Variants in FAM200B observed in about 807,000 individuals in gnomAD.
FAM200B encodes the protein zinc finger BED-type containing 11, also known as protein FAM200B.
Under a neutral mutation model 33.1 loss-of-function variants are expected in FAM200B, and 32 were observed. The observed-to-expected ratio is 0.97, with a 90% CI of 0.73 to 1.30. The LOEUF is 1.30. FAM200B is among the 50% of genes most tolerant of loss of function. FAM200B has a pLI of 0.00. For synonymous variants in FAM200B, 240 were observed against 264.8 expected (o/e 0.91, Z 0.91); for missense variants, 741 against 754.0 (o/e 0.98, Z 0.20).
chr4:15,688,853 AGAAATGGGCT>A lies in FAM200B; in HGVS notation c.1880_1889del (p.Asn627IlefsTer8). 1 of 1,551,528 alleles carries A rather than the reference AGAAATGGGCT, an allele frequency of 6.4e-7. No individual in the cohort carries two copies. The highest frequency in any genetic ancestry group is 8.7e-7 in the Non-Finnish European group (1 of 1,146,868). Reference sequence around the variant, plus strand: ...CTTAACGCAGTTAAAAACAAAGGAAAGAAATGGGCTGAATTGTGCAGCAGTTATGCGGGTA... The same window carrying A: ...CTTAACGCAGTTAAAAACAAAGGAAAGAATTGTGCAGCAGTTATGCGGGTA... On this transcript the variant is annotated frameshift_variant, in exon 2 of 2. Coordinates refer to ENST00000422728, the MANE Select transcript of FAM200B (RefSeq NM_001145191.2). LOFTEE classifies it high-confidence loss of function.
At chr4:15,660,140 A>C in the FAM200B span, among the ~76,000 whole-genome samples, 1 of 151,580 alleles carries the variant, frequency 6.6e-6, no homozygotes, top group Non-Finnish European at 1.5e-5. Flanking sequence ...GTGCAGTGGC[A>C]CAAACATAGC....
At chr4:15,674,099 C>G in the FAM200B span, among the ~76,000 whole-genome samples, 1 of 152,164 alleles carries the variant, frequency 6.6e-6, no homozygotes, top group Middle Eastern at 3.4e-3. Context: ...TTCCAACACT[C>G]TGAATCAAAA....
chr4:15,683,699 C>A (rs1031882451), intron 1 of FAM200B, among the ~76,000 whole-genome samples: 1 of 151,960 alleles, frequency 6.6e-6, no homozygotes, highest in Non-Finnish European at 1.5e-5. Context: ...TTAACATAAG[C>A]AGTTTATTAT....
At chr4:15,650,378 C>T in the FAM200B span, among the ~76,000 whole-genome samples, 3 of 152,178 alleles carry the variant, frequency 2.0e-5, no homozygotes, top group African/African-American at 7.2e-5. Context: ...GTATTTCCCT[C>T]TCTTATCTGT....
At position 15,687,121 on chromosome 4, in the gene FAM200B, AT is replaced by A. The variant is rs569065153; in HGVS notation, c.147del (p.Phe49LeufsTer10). ...ACTCCAATCTGCAAACTTCAACTTC[AT>A]TTGAGCCACATTTCAAAAAGAAAAA... Reference protein sequence around the residue: ...TDSNLQTSTSFEPHFKKKKVS... With the variant: ...TDSNLQTSTSXEPHFKKKKVS... On this transcript the variant is annotated frameshift_variant, in exon 2 of 2. Transcript: ENST00000422728. LOFTEE classifies it high-confidence loss of function. 9.7e-5 allele frequency: 151 copies of A among 1,548,718 alleles called. No homozygotes were observed. Among genetic ancestry groups the A allele is most frequent in the Non-Finnish European group, 1.3e-4 (148 of 1,146,036 alleles).
the FAM200B span, among the ~76,000 whole-genome samples, chr4:15,653,107 T>C: frequency 1.4e-5 from 2 of 139,632 alleles, no homozygotes; most frequent in African/African-American, 5.6e-5. Flanking sequence ...TTCCTATGCA[T>C]TTTTTTTTCC....
the FAM200B span, chr4:15,641,544 T>C: frequency 2.0e-5 from 9 of 445,190 alleles, no homozygotes; most frequent in Non-Finnish European, 4.0e-5. Flanking sequence ...GAATCCAGTA[T>C]ATATATTTTA....
chr4:15,642,120 C>T, the FAM200B span, among the ~76,000 whole-genome samples: 1 of 152,006 alleles, frequency 6.6e-6, no homozygotes, highest in Non-Finnish European at 1.5e-5. Context: ...CTTGAAGTAA[C>T]TCATTCTAAT....
chr4:15,653,820 G>A, the FAM200B span, among the ~76,000 whole-genome samples: 1 of 152,186 alleles, frequency 6.6e-6, no homozygotes, highest in African/African-American at 2.4e-5. Flanking sequence ...ACCCTCAGCT[G>A]CATACTGCAC....
the FAM200B span, among the ~76,000 whole-genome samples, chr4:15,649,166 A>T: frequency 8.6e-5 from 13 of 150,470 alleles, no homozygotes; most frequent in Admixed American, 8.6e-4. Flanking sequence ...AACAAAGCCA[A>T]AAAAAAAAGA....
the FAM200B span, chr4:15,655,164 GC>G: frequency 7.4e-7 from 1 of 1,344,302 alleles, no homozygotes; most frequent in Non-Finnish European, 9.8e-7. Flanking sequence ...CCCCATCGCC[GC>G]CCGCACCGCC....
the FAM200B span, among the ~76,000 whole-genome samples, chr4:15,665,850 AT>A: frequency 6.6e-6 from 1 of 152,244 alleles, no homozygotes; most frequent in Admixed American, 6.5e-5. Context: ...GAATCCGATG[AT>A]TAGTGTACCT....
chr4:15,679,548 G>A (rs1577526079), upstream of FAM200B, among the ~76,000 whole-genome samples: 1 of 140,494 alleles, frequency 7.1e-6, no homozygotes, highest in Non-Finnish European at 1.5e-5. Flanking sequence ...TATGCTAAAG[G>A]TACAGTTCAG....
chr4:15,658,886 A>AT, the FAM200B span, among the ~76,000 whole-genome samples: 1 of 152,108 alleles, frequency 6.6e-6, no homozygotes, highest in African/African-American at 2.4e-5. Flanking sequence ...CAGAGACTTA[A>AT]TTTTTTCATA....
chr4:15,668,118 T>A, the FAM200B span, among the ~76,000 whole-genome samples: 3 of 151,916 alleles, frequency 2.0e-5, no homozygotes, highest in East Asian at 5.8e-4. Flanking sequence ...AATTAAAATT[T>A]TGGTTAATAA....
the FAM200B span, among the ~76,000 whole-genome samples, chr4:15,674,839 C>T: frequency 7.2e-5 from 11 of 152,118 alleles, no homozygotes; most frequent in East Asian, 7.7e-4. Context: ...TTAGTAGAGA[C>T]GGGGTTTCAC....
chr4:15,658,330 G>T, the FAM200B span, among the ~76,000 whole-genome samples: 1 of 152,340 alleles, frequency 6.6e-6, no homozygotes, highest in East Asian at 1.9e-4. Context: ...AACTGCTGCA[G>T]CAGGCTGATT....
chr4:15,676,291 T>C, the FAM200B span, among the ~76,000 whole-genome samples: 1 of 152,202 alleles, frequency 6.6e-6, no homozygotes, highest in Non-Finnish European at 1.5e-5. Flanking sequence ...AACCTGAACC[T>C]AATCAAGCAT....
the FAM200B span, among the ~76,000 whole-genome samples, chr4:15,645,512 C>A: frequency 2.6e-5 from 4 of 152,138 alleles, no homozygotes; most frequent in African/African-American, 9.7e-5. Flanking sequence ...ACTGCAGACT[C>A]TGCCTCCTGG....
Sources: gnomAD v4.1 joint callset for allele counts (sites outside exome capture counted in the v4.1 genomes callset) on GRCh38, gnomAD v4.1.1 for gene constraint, MANE v1.5 for transcripts, NCBI Gene and HGNC (gene_info 2026-07-23, HGNC 2026-07-21) for gene names.